Variants in ABCA13 observed in about 807,000 individuals in gnomAD.
ABCA13 encodes ATP-binding cassette sub-family A member 13.
A neutral mutation model predicts 478.7 loss-of-function variants in ABCA13; 476 were observed. That is an observed-to-expected ratio of 0.99 (90% CI 0.92 to 1.07). ABCA13 has a LOEUF of 1.07. Ranked by LOEUF, ABCA13 falls within the 50% of genes least tolerant of loss-of-function variation. The pLI is 0.00. For missense variants in ABCA13, 6,060 were observed against 5,910.6 expected (o/e 1.03, Z -0.83); for synonymous variants, 2,252 against 2,158.9 (o/e 1.04, Z -1.20).
At chr7:48,431,348 C>CAA (rs200164622) in intron 42 of ABCA13, among the ~76,000 whole-genome samples, 1,217 of 48,004 alleles carry the variant, frequency 0.025, 6 homozygotes, top group African/African-American at 0.073. Context: ...TCTCAAACAA[C>CAA]AACAACAACA....
At chr7:48,585,621 T>A (rs962108900) in intron 56 of ABCA13, among the ~76,000 whole-genome samples, 1 of 152,194 alleles carries the variant, frequency 6.6e-6, no homozygotes, top group African/African-American at 2.4e-5. Context: ...ATTGTTATTA[T>A]CCTAACTTTT....
intron 25 of ABCA13, 57 bp from the exon 26 acceptor site, chr7:48,314,175 T>C (rs1584793051): frequency 6.4e-7 from 1 of 1,550,426 alleles, no homozygotes; most frequent in East Asian, 2.2e-5. Context: ...CAGAAGTGTG[T>C]GAAGGAATTG....
chr7:48,485,682 G>A (rs928516246), intron 47 of ABCA13, among the ~76,000 whole-genome samples: 1 of 152,172 alleles, frequency 6.6e-6, no homozygotes, highest in African/African-American at 2.4e-5. Context: ...ATGCTATGTA[G>A]CAAACAACTG....
intron 55 of ABCA13, among the ~76,000 whole-genome samples, chr7:48,568,038 C>A (rs1787253935): frequency 6.6e-6 from 1 of 152,042 alleles, no homozygotes; most frequent in African/African-American, 2.4e-5. Flanking sequence ...AGACATAATT[C>A]ACATACTATC....
At chr7:48,645,029 C>G (rs1352283104) in intron 61 of ABCA13, among the ~76,000 whole-genome samples, 1 of 152,132 alleles carries the variant, frequency 6.6e-6, no homozygotes, top group Non-Finnish European at 1.5e-5. Context: ...CTTCCTATCT[C>G]CACCTTACTC....
chr7:48,453,062 TC>T (rs907766155), intron 42 of ABCA13, among the ~76,000 whole-genome samples: 1 of 152,200 alleles, frequency 6.6e-6, no homozygotes, highest in African/African-American at 2.4e-5. Context: ...CATACTTTTT[TC>T]CTAGCAATAT....
intron 35 of ABCA13, among the ~76,000 whole-genome samples, chr7:48,378,258 C>A (rs919456381): frequency 3.3e-5 from 5 of 152,114 alleles, no homozygotes; most frequent in Non-Finnish European, 7.4e-5. Context: ...TGAGAATGTC[C>A]TCACCAGTGG....
chr7:48,313,628 A>G (rs1290793373), intron 25 of ABCA13, among the ~76,000 whole-genome samples: 1 of 152,244 alleles, frequency 6.6e-6, no homozygotes, highest in Admixed American at 6.5e-5. Context: ...CAAGTTACAG[A>G]TCATTTACTG....
At chr7:48,376,890 G>A (rs1282564123) in intron 35 of ABCA13, among the ~76,000 whole-genome samples, 1 of 152,134 alleles carries the variant, frequency 6.6e-6, no homozygotes, top group Non-Finnish European at 1.5e-5. Flanking sequence ...GAGTGTTTGG[G>A]GAGGGCAGGC....
At chr7:48,590,406 G>A (rs998705284) in intron 57 of ABCA13, among the ~76,000 whole-genome samples, 3 of 152,084 alleles carry the variant, frequency 2.0e-5, no homozygotes, top group Admixed American at 6.5e-5. Flanking sequence ...TGCTTAGGTT[G>A]TTTCTATATC....
intron 45 of ABCA13, among the ~76,000 whole-genome samples, chr7:48,473,242 G>T (rs1021717481): frequency 2.0e-5 from 3 of 152,168 alleles, no homozygotes; most frequent in African/African-American, 7.2e-5. Flanking sequence ...ACCCTTCAAG[G>T]TGGATGTGCC....
chr7:48,307,225 C>T (rs1801039573), intron 23 of ABCA13, among the ~76,000 whole-genome samples: 1 of 152,226 alleles, frequency 6.6e-6, no homozygotes, highest in Admixed American at 6.5e-5. Flanking sequence ...TATACTTACA[C>T]AAACCTAGCT....
rs559246175 is a variant in ABCA13 at position 48,260,244 on chromosome 7, T to G, written c.2006-8736T>G. On this transcript the variant is annotated intron_variant, in intron 15 of 61. Coordinates refer to ENST00000435803, the MANE Select transcript of ABCA13 (RefSeq NM_152701.5). ...GTTCTTTCTCATCTGTGTCAGCTGA[T>G]GTTTCTTTAACTGTGTTGTAATTTG... 2.4e-4 allele frequency among the ~76,000 whole-genome samples: 37 copies of G among 152,202 alleles called. 1 individual carries two copies. The South Asian group carries it at 7.5e-3, about 31-fold the overall frequency.
intron 58 of ABCA13, among the ~76,000 whole-genome samples, chr7:48,595,887 A>G (rs944199853): frequency 7.2e-5 from 11 of 152,184 alleles, no homozygotes; most frequent in African/African-American, 2.7e-4. Flanking sequence ...TAGGAACACA[A>G]GGGACCCATG....
chr7:48,234,036 C>A lies in ABCA13; in HGVS notation c.782C>A (p.Ser261Tyr). 1 of 1,613,974 alleles carries A rather than the reference C, an allele frequency of 6.2e-7. No individual in the cohort carries two copies. The highest frequency in any genetic ancestry group is 2.2e-5 in the East Asian group (1 of 44,876). Residue 261 changes from serine (S) to tyrosine (Y), a missense_variant, in exon 8 of 62, where the codon TCC becomes TAC. Transcript: ENST00000435803. ...VAVTEPVYHL[S>Y]MQNIVWDPQK... Reference sequence around the variant, plus strand: ...CCAACAGAGCCAGTTTACCACCTGTCCATGCAGAATATAGTGTGGGATCCA... The same window carrying A: ...CCAACAGAGCCAGTTTACCACCTGTACATGCAGAATATAGTGTGGGATCCA...
intron 2 of ABCA13, among the ~76,000 whole-genome samples, chr7:48,196,301 G>T (rs910427052): frequency 1.3e-5 from 2 of 152,094 alleles, no homozygotes; most frequent in African/African-American, 4.8e-5. Flanking sequence ...GTGGCCCAAA[G>T]AAACACTGGA....
At chr7:48,256,283 A>G (rs1436560010) in intron 15 of ABCA13, among the ~76,000 whole-genome samples, 1 of 152,116 alleles carries the variant, frequency 6.6e-6, no homozygotes, top group South Asian at 2.1e-4. Flanking sequence ...TTTGCTGTGC[A>G]GAAGCTCTTT....
At chr7:48,388,859 C>G (rs1815596778) in intron 36 of ABCA13, among the ~76,000 whole-genome samples, 181 bp from the exon 37 acceptor site, 1 of 152,082 alleles carries the variant, frequency 6.6e-6, no homozygotes, top group South Asian at 2.1e-4. Flanking sequence ...AGTGATATCA[C>G]TTAATGTTTG....
intron 8 of ABCA13, 122 bp from the exon 9 acceptor site, chr7:48,239,119 T>C: frequency 1.0e-6 from 1 of 1,002,002 alleles, no homozygotes; most frequent in Non-Finnish European, 1.5e-6. Context: ...TATCATCACT[T>C]ACTTCTTCAA....
Sources: gnomAD v4.1 joint callset for allele counts (sites outside exome capture counted in the v4.1 genomes callset) on GRCh38, gnomAD v4.1.1 for gene constraint, MANE v1.5 for transcripts, NCBI Gene and HGNC (gene_info 2026-07-23, HGNC 2026-07-21) for gene names.